ADAR: variants seen among roughly 807,000 people sequenced by gnomAD.
ADAR encodes the protein double-stranded RNA-specific adenosine deaminase.
ADAR carries 41 observed loss-of-function variants against 113.2 expected under a neutral mutation model. The observed-to-expected ratio is 0.36, with a 90% CI of 0.28 to 0.47. ADAR has a LOEUF of 0.47. ADAR is among the 20% of genes least tolerant of loss of function. The pLI, the probability that ADAR is intolerant of heterozygous loss-of-function variation, is 1.00. For missense variants in ADAR, 1,242 were observed against 1,540.9 expected (o/e 0.81, Z 3.25); for synonymous variants, 605 against 572.6 (o/e 1.06, Z -0.81).
intron 6 of ADAR, among the ~76,000 whole-genome samples, chr1:154,592,073 T>C (rs543971947): frequency 1.3e-5 from 2 of 152,344 alleles, no homozygotes; most frequent in East Asian, 3.9e-4. Flanking sequence ...ATTATGCAAC[T>C]AGAATCCTTT....
chr1:154,598,599 G>C lies in ADAR; in HGVS notation c.1602-14C>G, dbSNP rs752746420. The C allele has an allele frequency of 1.2e-6, 2 of 1,613,820 alleles. No homozygotes were observed. Among genetic ancestry groups the C allele is most frequent in the Non-Finnish European group, 1.7e-6 (2 of 1,179,724 alleles). ...TGGAATTTAAATCTTGACGGAAAGT[G>C]ATTAGATGTGTGAACAGGAGTCTAG... On this transcript the variant is annotated splice_polypyrimidine_tract_variant and intron_variant, in intron 2 of 14. Coordinates refer to ENST00000368474, the MANE Select transcript of ADAR (RefSeq NM_001111.5).
chr1:154,590,581 T>C (rs1360415352), intron 6 of ADAR, among the ~76,000 whole-genome samples, 172 bp from the exon 7 acceptor site: 1 of 152,112 alleles, frequency 6.6e-6, no homozygotes, highest in Admixed American at 6.6e-5. Flanking sequence ...AATCACCACA[T>C]GATTTGTGCC....
At chr1:154,623,487 T>C (rs930654249) in intron 1 of ADAR, among the ~76,000 whole-genome samples, 4 of 152,202 alleles carry the variant, frequency 2.6e-5, no homozygotes, top group Non-Finnish European at 1.5e-5. Context: ...AGTAGTCATG[T>C]GCTGTTTCTG....
chr1:154,627,435 C>G (rs1698974745), intron 1 of ADAR, among the ~76,000 whole-genome samples: 1 of 152,252 alleles, frequency 6.6e-6, no homozygotes, highest in African/African-American at 2.4e-5. Context: ...AAAGCGCCTA[C>G]CGCGGCGAGT....
At position 154,601,593 on chromosome 1, in the gene ADAR, G is replaced by A. The variant is rs763695856; in HGVS notation, c.1049C>T (p.Pro350Leu). 7 of 1,612,508 alleles carry A rather than the reference G, an allele frequency of 4.3e-6. No homozygotes were observed. Among genetic ancestry groups the A allele is most frequent in the Non-Finnish European group, 5.9e-6 (7 of 1,179,974 alleles). Residue 350 changes from proline to leucine, a missense_variant, in exon 2 of 15, where the codon CCT (proline) becomes CTT (leucine). Transcript: ENST00000368474. This position sits in a 1 kb window ranked among gnomAD's most constrained non-coding sequence, Gnocchi z 4.7. ...QGDVYRQGTTPPIWHLTDKKR... is the reference protein window; with the variant it reads ...QGDVYRQGTTLPIWHLTDKKR... ...CTTGTCTGTCAAATGCCATATGGGA[G>A]GGGTTGTCCCTTGTCTATAGACATC...
chr1:154,597,592 G>A (rs1438946717), intron 4 of ADAR, among the ~76,000 whole-genome samples: 2 of 152,142 alleles, frequency 1.3e-5, no homozygotes. Context: ...CCTCCAAGCC[G>A]TGAACCTCCC....
intron 1 of ADAR, 125 bp downstream of exon 1, chr1:154,607,867 A>C: frequency 6.9e-7 from 1 of 1,443,408 alleles, no homozygotes; most frequent in South Asian, 1.3e-5. Context: ...GCTGCTTGGC[A>C]AGACGACACA....
At chr1:154,622,303 A>G (rs990724528) in intron 1 of ADAR, among the ~76,000 whole-genome samples, 8 of 152,192 alleles carry the variant, frequency 5.3e-5, no homozygotes, top group Non-Finnish European at 1.0e-4. Context: ...GACCTGTATC[A>G]GGCTGTTAGA....
chr1:154,598,031 C>G, intron 3 of ADAR, 55 bp from the exon 4 acceptor site: 1 of 1,579,402 alleles, frequency 6.3e-7, no homozygotes, highest in Non-Finnish European at 8.6e-7. Flanking sequence ...CTGGTTAGTC[C>G]ATCACAGAAG....
rs1230819541 is a variant in ADAR, at chr1:154,590,155, A to C, written c.2496+29T>G. 9 of 941,862 alleles carry C rather than the reference A, an allele frequency of 9.6e-6. No homozygotes were observed. In the East Asian group the frequency reaches 1.3e-4, roughly 14 times the overall value. 58.3% of individuals were successfully genotyped at this position (941,862 alleles called of 1,614,324 possible). A position where few individuals can be genotyped will look rare whatever the true frequency, so the allele number is the denominator to read the frequency against. On this transcript the variant is annotated intron_variant, in intron 7 of 14. Transcript: ENST00000368474. ...GAGTTAGGAGGACCCCCCCGCCCCA[A>C]AAAAGGCACCAAAAGTAGACGTCTT...
In ADAR at chr1:154,589,797, T is replaced by C. The variant is rs780635627; in HGVS notation, c.2628A>G (p.Lys876=). 6.2e-7 allele frequency: 1 copy of C among 1,614,022 alleles called. No homozygotes were observed. The highest frequency in any genetic ancestry group is 8.5e-7 in the Non-Finnish European group (1 of 1,180,000). The change falls in exon 8 of 15, where the codon AAA becomes AAG. Residue 876 remains lysine, a synonymous_variant. Transcript: ENST00000368474. ...RKILAAIIMK[K]DSEDMGVVVS... ...CGACGACACCCATGTCCTCAGAGTC[T>C]TTTTTCATAATGATGGCGGCCAGAA...
chr1:154,612,592 G>A (rs1165330754), upstream of ADAR, among the ~76,000 whole-genome samples: 1 of 151,982 alleles, frequency 6.6e-6, no homozygotes, highest in Non-Finnish European at 1.5e-5. Flanking sequence ...CTCCCAAAGT[G>A]CTGGGATTAC....
In ADAR at chr1:154,601,167, G is replaced by A. The variant is rs1697847597; in HGVS notation, c.1475C>T (p.Pro492Leu). 6.2e-7 allele frequency: 1 copy of A among 1,614,202 alleles called. No individual in the cohort carries two copies. The highest frequency in any genetic ancestry group is 8.5e-7 in the Non-Finnish European group (1 of 1,180,052). The change falls in exon 2 of 15, where the codon CCC (proline) becomes CTC (leucine). Residue 492 changes from proline (P) to leucine (L), a missense_variant. Physicochemically the swap from Pro to Leu is moderately conservative, Grantham distance 98 (BLOSUM62 -3). Around this residue, in one of 2 missense-constraint regions of ADAR, gnomAD observed 780 missense variants for 1,057.9 expected, o/e 0.74. Transcript: ENST00000368474. This position sits in a 1 kb window ranked among gnomAD's most constrained non-coding sequence, Gnocchi z 4.7. ...FYSHGLPRCS[P>L]YKKLTECQLK... ...CTGGCACTCTGTCAGTTTCTTGTAG[G>A]GTGAACACCGTGGCAAGCCATGACT...
Position 154,589,303 on chromosome 1 carries a change from A to C in ADAR, c.2762+66T>G. ...GGGATTCAGAGGCCGTGTCAGAGCC[A>C]TGTGGGGCAGGGAACTGGAGCTCTC... is the stretch of plus-strand genomic sequence containing the variant. On this transcript the variant is annotated intron_variant, in intron 9 of 14. Coordinates refer to ENST00000368474, the MANE Select transcript of ADAR (RefSeq NM_001111.5). 3 of 1,278,010 alleles carry C rather than the reference A, an allele frequency of 2.3e-6. No homozygotes were observed. In the South Asian group the frequency reaches 3.6e-5, roughly 15 times the overall value. The allele number at this position is 1,278,010 out of a possible 1,614,324, so 79.2% of individuals were successfully genotyped here.
intron 1 of ADAR, among the ~76,000 whole-genome samples, chr1:154,620,267 C>T (rs1021433767): frequency 5.3e-5 from 8 of 152,072 alleles, no homozygotes; most frequent in Admixed American, 2.0e-4. Flanking sequence ...ATTAGCTGGG[C>T]ATGGTGGTGG....
chr1:154,609,383 A>C (rs1284646817), upstream of ADAR, among the ~76,000 whole-genome samples: 2 of 152,160 alleles, frequency 1.3e-5, no homozygotes, highest in Middle Eastern at 3.2e-3. Context: ...TTTAATCTTA[A>C]TTTTACCCCC....
upstream of ADAR, among the ~76,000 whole-genome samples, chr1:154,610,277 A>ATATCT (rs1476301383): frequency 8.7e-6 from 1 of 114,690 alleles, no homozygotes; most frequent in Non-Finnish European, 2.0e-5. Context: ...ATTATTTGTA[A>ATATCT]TTAATAGCCC....
chr1:154,605,962 G>A (rs537913876), intron 1 of ADAR: 2 of 941,898 alleles, frequency 2.1e-6, no homozygotes, highest in East Asian at 1.2e-4. Flanking sequence ...GTCTATAGAA[G>A]AATTAAATTA....
rs143003025 is a variant in ADAR at position 154,606,526 on chromosome 1, AAGG to A, written c.15+1463_15+1465del. ...CAATGGAATGAACACAGAGAAAAGA[AAGG>A]AGATGTAAGTTTGCTAAGGATATCT... On this transcript the variant is annotated intron_variant, in intron 1 of 14. Transcript: ENST00000368474. 2.3e-3 allele frequency among the ~76,000 whole-genome samples: 349 copies of A among 152,326 alleles called. 1 individual carries two copies. The highest frequency in any genetic ancestry group is 7.3e-3 in the African/African-American group (304 of 41,556).
Sources: gnomAD v4.1 joint callset for allele counts (sites outside exome capture counted in the v4.1 genomes callset) on GRCh38, gnomAD v4.1.1 for gene constraint, gnomAD v4.1.1 regional missense constraint, Gnocchi (gnomAD v3.1) non-coding constraint, MANE v1.5 for transcripts, NCBI Gene and HGNC (gene_info 2026-07-23, HGNC 2026-07-21) for gene names.